C1QTNF3: variants seen among roughly 807,000 people sequenced by gnomAD.
The protein encoded by C1QTNF3 is C1q and TNF related 3, also known as complement C1q tumor necrosis factor-related protein 3.
Under a neutral mutation model 32.6 loss-of-function variants are expected in C1QTNF3, and 26 were observed. The observed-to-expected ratio is 0.80, with a 90% CI of 0.58 to 1.11. The LOEUF is 1.11. C1QTNF3 is among the 50% of genes least tolerant of loss of function. The pLI is 0.00. For synonymous variants in C1QTNF3, 155 were observed against 146.0 expected, an observed-to-expected ratio of 1.06 and a Z score of -0.44; for missense variants, 362 against 398.2, an observed-to-expected ratio of 0.91 and a Z score of 0.77.
chr5:34,243,734 A>T, the C1QTNF3 span, among the ~76,000 whole-genome samples: 9 of 151,950 alleles, frequency 5.9e-5, no homozygotes, highest in East Asian at 1.7e-3. Flanking sequence ...GATACCACAC[A>T]TTCTCACTTA....
At chr5:34,145,042 T>C in the C1QTNF3 span, among the ~76,000 whole-genome samples, 2 of 151,860 alleles carry the variant, frequency 1.3e-5, no homozygotes, top group East Asian at 1.9e-4. Flanking sequence ...GGCAGGAAAA[T>C]TGCTTGAACC....
the C1QTNF3 span, among the ~76,000 whole-genome samples, chr5:34,235,260 C>T: frequency 6.6e-6 from 1 of 152,118 alleles, no homozygotes; most frequent in Non-Finnish European, 1.5e-5. Flanking sequence ...CTGGATAATT[C>T]CACCATTACT....
chr5:34,112,050 G>C, the C1QTNF3 span, among the ~76,000 whole-genome samples: 2 of 152,176 alleles, frequency 1.3e-5, no homozygotes, highest in African/African-American at 4.8e-5. Context: ...TTGCCATAGA[G>C]ATGTGTCACA....
the C1QTNF3 span, among the ~76,000 whole-genome samples, chr5:34,174,906 C>G: frequency 6.6e-6 from 1 of 150,994 alleles, no homozygotes; most frequent in African/African-American, 2.4e-5. Flanking sequence ...CACCACCACG[C>G]CCGGCTGATT....
chr5:34,207,616 T>C, the C1QTNF3 span, among the ~76,000 whole-genome samples: 9 of 152,094 alleles, frequency 5.9e-5, no homozygotes, highest in African/African-American at 2.2e-4. Context: ...CAAGATCATA[T>C]GGATTTTTAT....
the C1QTNF3 span, among the ~76,000 whole-genome samples, chr5:34,077,034 C>T: frequency 1.3e-5 from 2 of 151,786 alleles, no homozygotes; most frequent in Admixed American, 6.6e-5. Context: ...GCTGTTATAA[C>T]GCCACACAGG....
chr5:34,170,768 C>A, the C1QTNF3 span, among the ~76,000 whole-genome samples: 1 of 152,082 alleles, frequency 6.6e-6, no homozygotes, highest in African/African-American at 2.4e-5. Flanking sequence ...AGAATTGATA[C>A]CAACTGCAGT....
Position 34,033,290 on chromosome 5 carries a change from CGAG to C in C1QTNF3, c.570+11_570+13del, listed in dbSNP as rs1195712036. The C allele has an allele frequency of 8.1e-6, 13 of 1,612,878 alleles. 1 individual carries two copies. Among genetic ancestry groups the C allele is most frequent in the Middle Eastern group, 1.7e-4 (1 of 5,944 alleles). On this transcript the variant is annotated intron_variant, in intron 3 of 5. Transcript: ENST00000382065. ...GTTGGAAAGCCACCAGGAGATGTAC[CGAG>C]GATGGTTTACCTGAAGTTCTGGTGG...
the C1QTNF3 span, among the ~76,000 whole-genome samples, chr5:34,059,789 T>C: frequency 6.6e-6 from 1 of 152,070 alleles, no homozygotes; most frequent in Non-Finnish European, 1.5e-5. Flanking sequence ...CTTCAACATA[T>C]AAATTGGGGT....
the C1QTNF3 span, among the ~76,000 whole-genome samples, chr5:34,181,514 C>T: frequency 6.4e-4 from 96 of 151,132 alleles, no homozygotes; most frequent in African/African-American, 2.4e-3. Flanking sequence ...GCTGCAGACT[C>T]GGCTCAGCCC....
At chr5:34,189,835 G>C in the C1QTNF3 span, among the ~76,000 whole-genome samples, 4 of 152,298 alleles carry the variant, frequency 2.6e-5, no homozygotes, top group African/African-American at 9.6e-5. Context: ...GGACTGAGTG[G>C]CAGGCCATCC....
the C1QTNF3 span, among the ~76,000 whole-genome samples, chr5:34,111,066 A>G: frequency 2.0e-5 from 3 of 152,190 alleles, no homozygotes; most frequent in Non-Finnish European, 4.4e-5. Context: ...GCCAGTGTCA[A>G]TTGTTACCAT....
chr5:34,087,552 C>T, the C1QTNF3 span, among the ~76,000 whole-genome samples: 1 of 139,690 alleles, frequency 7.2e-6, no homozygotes, highest in East Asian at 2.2e-4. Flanking sequence ...CTAAGCATTT[C>T]AGTAAGAACG....
At chr5:34,108,163 C>A in the C1QTNF3 span, among the ~76,000 whole-genome samples, 3 of 152,060 alleles carry the variant, frequency 2.0e-5, no homozygotes, top group Non-Finnish European at 2.9e-5. Flanking sequence ...GACAATACAA[C>A]ATGTTTTTTT....
At chr5:34,144,099 C>CA in the C1QTNF3 span, among the ~76,000 whole-genome samples, 514 of 148,668 alleles carry the variant, frequency 3.5e-3, 1 homozygote, top group African/African-American at 9.6e-3. Context: ...AAAAGGACGA[C>CA]AAAAAAAAAG....
chr5:34,116,668 C>G, the C1QTNF3 span, among the ~76,000 whole-genome samples: 4 of 151,246 alleles, frequency 2.6e-5, 1 homozygote, highest in South Asian at 6.3e-4. Flanking sequence ...TATCTCGGCT[C>G]ACTGCAACCT....
chr5:34,099,620 TA>T, the C1QTNF3 span, among the ~76,000 whole-genome samples: 1 of 145,952 alleles, frequency 6.9e-6, no homozygotes, highest in African/African-American at 2.6e-5. Flanking sequence ...CTCAAGTTTG[TA>T]AAGAACAAAG....
chr5:34,094,165 G>A, the C1QTNF3 span, among the ~76,000 whole-genome samples: 2 of 152,108 alleles, frequency 1.3e-5, no homozygotes, highest in African/African-American at 4.8e-5. Flanking sequence ...AATAGAATGG[G>A]GTCACCCAAC....
the C1QTNF3 span, among the ~76,000 whole-genome samples, chr5:34,210,059 T>C: frequency 9.9e-5 from 15 of 152,138 alleles, no homozygotes; most frequent in Middle Eastern, 3.4e-3. Context: ...GAGGAATGAA[T>C]TGATTTTTTA....
Sources: gnomAD v4.1 joint callset for allele counts (sites outside exome capture counted in the v4.1 genomes callset) on GRCh38, gnomAD v4.1.1 for gene constraint, MANE v1.5 for transcripts, NCBI Gene and HGNC (gene_info 2026-07-23, HGNC 2026-07-21) for gene names.